Variants in DZANK1 observed in about 807,000 individuals in gnomAD.
The protein encoded by DZANK1 is double zinc ribbon and ankyrin repeat domains 1.
A neutral mutation model predicts 94.5 loss-of-function variants in DZANK1; 91 were observed. That is an observed-to-expected ratio of 0.96 (90% CI 0.81 to 1.15). The LOEUF is 1.15. Among genes scored for constraint, DZANK1 ranks in the 50% most tolerant of loss-of-function variants. The pLI is 0.00. For synonymous variants in DZANK1, 312 were observed against 325.3 expected (o/e 0.96, Z 0.44); for missense variants, 903 against 916.4 (o/e 0.99, Z 0.19).
chr20:18,427,344 G>GT (rs2058089183), intron 9 of DZANK1, among the ~76,000 whole-genome samples, 185 bp from the exon 10 acceptor site: 1 of 151,660 alleles, frequency 6.6e-6, no homozygotes, highest in Non-Finnish European at 1.5e-5. Context: ...GGTTTTTTTG[G>GT]GTTTTTTTTT....
chr20:18,405,393 G>T (rs569912424), intron 13 of DZANK1, among the ~76,000 whole-genome samples: 2 of 151,820 alleles, frequency 1.3e-5, no homozygotes, highest in East Asian at 3.9e-4. Flanking sequence ...TAGGTCAATA[G>T]ATATTATACA....
rs979832710 is a variant in DZANK1, at chr20:18,416,663, G to A, written c.955-1214C>T. ...TCTATCCCGTTTTGCTTCAGGGACC[G>A]CTCTGTTATCTAGAATAGAAACCTA... On this transcript the variant is annotated intron_variant, in intron 10 of 20. Coordinates refer to ENST00000262547, the Ensembl canonical transcript of DZANK1. Among the ~76,000 whole-genome samples the A allele has an allele frequency of 3.5e-4, 53 of 152,150 alleles. 1 individual carries two copies. The highest frequency in any genetic ancestry group is 1.1e-3 in the African/African-American group (44 of 41,518).
intron 9 of DZANK1, among the ~76,000 whole-genome samples, chr20:18,427,606 G>GGGGTGTGTGTGTGT (rs112783791): frequency 6.1e-5 from 9 of 148,692 alleles, no homozygotes; most frequent in African/African-American, 2.2e-4. Flanking sequence ...TGTAAGGTTG[G>GGGGTGTGTGTGTGT]GTGTGTGTGT....
intron 10 of DZANK1, 107 bp from the exon 11 acceptor site, chr20:18,415,556 T>C (rs2057452897): frequency 1.6e-6 from 2 of 1,229,318 alleles, no homozygotes; most frequent in African/African-American, 1.6e-5. Flanking sequence ...GCCCCGGAAA[T>C]AGTGTTTTTT....
At chr20:18,389,078 T>C (rs1342171597) in intron 19 of DZANK1, among the ~76,000 whole-genome samples, 1 of 152,174 alleles carries the variant, frequency 6.6e-6, no homozygotes, top group Non-Finnish European at 1.5e-5. Flanking sequence ...TTTCACCCCA[T>C]ATTTTCAAAG....
intron 15 of DZANK1, 31 bp downstream of exon 15, chr20:18,396,441 T>C: frequency 6.4e-7 from 1 of 1,558,388 alleles, no homozygotes; most frequent in Non-Finnish European, 8.8e-7. Context: ...CGGTCAGTTC[T>C]CAAATGAATA....
intron 8 of DZANK1, among the ~76,000 whole-genome samples, chr20:18,442,993 A>G (rs1392855515): frequency 6.6e-6 from 1 of 152,240 alleles, no homozygotes; most frequent in Admixed American, 6.5e-5. Context: ...ATAGAGACAT[A>G]AAGTAATTGG....
chr20:18,433,670 C>T, exon 9 of DZANK1: 1 of 1,613,990 alleles, frequency 6.2e-7, no homozygotes, highest in Non-Finnish European at 8.5e-7. Context: ...GGAGGCTTGC[C>T]TGTGGCTGCA....
intron 7 of DZANK1, among the ~76,000 whole-genome samples, chr20:18,444,433 C>T (rs945691582): frequency 3.3e-5 from 5 of 152,338 alleles, no homozygotes; most frequent in Admixed American, 6.5e-5. Flanking sequence ...GTAACTGGAG[C>T]TTTCAGGAAA....
At chr20:18,428,183 C>T (rs2148574612) in intron 9 of DZANK1, among the ~76,000 whole-genome samples, 1 of 149,898 alleles carries the variant, frequency 6.7e-6, no homozygotes, top group Admixed American at 6.6e-5. Context: ...GTGGTAAGTA[C>T]AACTTAATTT....
At chr20:18,449,982 G>C (rs2059037346) in intron 6 of DZANK1, among the ~76,000 whole-genome samples, 1 of 151,782 alleles carries the variant, frequency 6.6e-6, no homozygotes, top group Non-Finnish European at 1.5e-5. Flanking sequence ...GGAGGCTGAG[G>C]CAGGAGAATC....
chr20:18,399,557 T>G (rs934236760), intron 13 of DZANK1, among the ~76,000 whole-genome samples: 1 of 152,200 alleles, frequency 6.6e-6, no homozygotes, highest in Non-Finnish European at 1.5e-5. Context: ...ATGTACCATT[T>G]GGGGCTTGCC....
At chr20:18,452,481 A>G in intron 6 of DZANK1, 134 bp downstream of exon 6, 1 of 1,044,534 alleles carries the variant, frequency 9.6e-7, no homozygotes. Context: ...CTTGTCCAGT[A>G]CAGTATTCCC....
At chr20:18,412,588 C>T (rs2057307620) in intron 13 of DZANK1, 58 bp downstream of exon 13, 2 of 1,512,038 alleles carry the variant, frequency 1.3e-6, no homozygotes, top group Admixed American at 1.7e-5. Context: ...ATGAAATGTT[C>T]TTTCACAGAA....
chr20:18,438,981 C>G lies in DZANK1; in HGVS notation c.747+4366G>C, dbSNP rs6081142. ...CCTTGGGGGTTGGGATTTCAACATA[C>G]GAATTTTGGCCAAGACACAAAGATT... On this transcript the variant is annotated intron_variant, in intron 8 of 20. Coordinates refer to ENST00000262547, the Ensembl canonical transcript of DZANK1. Among the ~76,000 whole-genome samples the G allele has an allele frequency of 5.3e-3, 810 of 152,090 alleles. 9 individuals carry two copies. Among genetic ancestry groups the G allele is most frequent in the South Asian group, 9.5e-3 (46 of 4,826 alleles).
chr20:18,425,344 C>T (rs1005409696), intron 10 of DZANK1, among the ~76,000 whole-genome samples: 4 of 152,000 alleles, frequency 2.6e-5, no homozygotes, highest in East Asian at 1.9e-4. Flanking sequence ...CGAGGTCAGG[C>T]GTTTGAGACT....
rs199705658 is a variant in DZANK1 at position 18,465,376 on chromosome 20, C to A, written c.-18G>T. On this transcript the variant is annotated splice_region_variant and 5_prime_UTR_variant, in exon 2 of 21. Transcript: ENST00000262547. ...GCAGTCATTTTCTCTCTCTCTCTCTCTCTCTATATATATATACATATAAAT... is the reference window on the plus strand; with the variant it reads ...GCAGTCATTTTCTCTCTCTCTCTCTATCTCTATATATATATACATATAAAT... The A allele has an allele frequency of 2.5e-3, 3,410 of 1,355,016 alleles. 5 individuals are homozygous for A. The highest frequency in any genetic ancestry group is 3.1e-3 in the Non-Finnish European group (3,022 of 983,862). The allele number at this position is 1,355,016 out of a possible 1,614,324, so 83.9% of individuals were successfully genotyped here.
At chr20:18,446,400 C>A (rs2058882493) in intron 7 of DZANK1, among the ~76,000 whole-genome samples, 1 of 152,124 alleles carries the variant, frequency 6.6e-6, no homozygotes, top group South Asian at 2.1e-4. Flanking sequence ...TAACCCATTG[C>A]CCTCCCTACA....
intron 10 of DZANK1, among the ~76,000 whole-genome samples, chr20:18,416,193 C>T (rs995749459): frequency 6.6e-5 from 10 of 152,138 alleles, no homozygotes; most frequent in Admixed American, 3.3e-4. Context: ...GTGAGATGCA[C>T]GATTAGAGCC....
Sources: gnomAD v4.1 joint callset for allele counts (sites outside exome capture counted in the v4.1 genomes callset) on GRCh38, gnomAD v4.1.1 for gene constraint, MANE v1.5 for transcripts, NCBI Gene and HGNC (gene_info 2026-07-23, HGNC 2026-07-21) for gene names.